The following RTL4 variants were observed in gnomAD, a reference collection of about 807,000 sequenced individuals.
RTL4 encodes retrotransposon Gag like 4, also known as retrotransposon Gag-like protein 4.
Under a neutral mutation model 5.3 loss-of-function variants are expected in RTL4, and 4 were observed. The ratio of observed to expected loss-of-function variants is 0.75; its 90% CI spans 0.37 to 1.72. The LOEUF is 1.72. Ranked by LOEUF, RTL4 falls within the 40% of genes most tolerant of loss-of-function variation. The pLI is 0.04. For missense variants in RTL4, 260 were observed against 227.1 expected (o/e 1.14, Z -0.93); for synonymous variants, 98 against 87.3 (o/e 1.12, Z -0.68).
chrX:112,120,452 A>G, the RTL4 span, among the ~76,000 whole-genome samples: 1 of 109,950 alleles, frequency 9.1e-6, no homozygotes, highest in South Asian at 3.9e-4. Flanking sequence ...AAGTTTTTGT[A>G]TTTTTAGTAG....
chrX:112,180,328 G>A, the RTL4 span, among the ~76,000 whole-genome samples: 3 of 111,412 alleles, frequency 2.7e-5, no homozygotes, highest in African/African-American at 6.5e-5. Context: ...ACTTAGCATG[G>A]TACCTGATAC....
At chrX:112,108,407 G>A in the RTL4 span, among the ~76,000 whole-genome samples, 1 of 111,527 alleles carries the variant, frequency 9.0e-6, no homozygotes, top group Non-Finnish European at 1.9e-5. Flanking sequence ...AATTTTCAGA[G>A]GTAGATACCT....
the RTL4 span, among the ~76,000 whole-genome samples, chrX:112,286,725 C>T: frequency 9.0e-6 from 1 of 111,362 alleles, no homozygotes; most frequent in Non-Finnish European, 1.9e-5. Context: ...AAAATTCAAC[C>T]CTACAGCCAA....
chrX:112,303,849 A>G, the RTL4 span, among the ~76,000 whole-genome samples: 1 of 110,695 alleles, frequency 9.0e-6, no homozygotes. Context: ...ATTATGCAAC[A>G]TATTCTCTAT....
At chrX:112,174,606 A>G in the RTL4 span, among the ~76,000 whole-genome samples, 1 of 87,764 alleles carries the variant, frequency 1.1e-5, no homozygotes, top group Non-Finnish European at 2.2e-5. Context: ...CAGTAATGGG[A>G]TGGCTGGGTC....
chrX:112,222,548 T>G, the RTL4 span, among the ~76,000 whole-genome samples: 1 of 109,074 alleles, frequency 9.2e-6, no homozygotes, highest in Non-Finnish European at 1.9e-5. Flanking sequence ...GGCAACATAG[T>G]GAGACCTCAT....
At chrX:112,183,319 A>T in the RTL4 span, among the ~76,000 whole-genome samples, 1 of 112,207 alleles carries the variant, frequency 8.9e-6, no homozygotes, top group Non-Finnish European at 1.9e-5. Flanking sequence ...AACAATATTA[A>T]CCTTAAATGT....
At chrX:112,296,068 A>G in the RTL4 span, among the ~76,000 whole-genome samples, 1 of 111,839 alleles carries the variant, frequency 8.9e-6, no homozygotes, top group Non-Finnish European at 1.9e-5. Context: ...CTTTTCCTCC[A>G]GAGAAGCTGA....
chrX:112,133,174 TC>T, the RTL4 span, among the ~76,000 whole-genome samples: 1 of 111,940 alleles, frequency 8.9e-6, no homozygotes, highest in Non-Finnish European at 1.9e-5. Context: ...AAAAGACATT[TC>T]CTTTGTACCC....
At chrX:112,299,910 A>T in the RTL4 span, among the ~76,000 whole-genome samples, 2 of 111,411 alleles carry the variant, frequency 1.8e-5, no homozygotes, top group East Asian at 5.7e-4. Context: ...ACACACACAC[A>T]TACACACACA....
At chrX:112,087,024 G>C in the RTL4 span, among the ~76,000 whole-genome samples, 885 of 111,596 alleles carry the variant, frequency 7.9e-3, 5 homozygotes, top group African/African-American at 0.027. Flanking sequence ...ACCATTAATA[G>C]CAATGCAAAT....
At chrX:112,345,012 G>A in the RTL4 span, among the ~76,000 whole-genome samples, 565 of 111,474 alleles carry the variant, frequency 5.1e-3, 3 homozygotes, top group African/African-American at 0.017. Context: ...GGGGGAAACC[G>A]CCCCCATGAT....
At chrX:112,138,088 G>T in the RTL4 span, among the ~76,000 whole-genome samples, 1 of 112,215 alleles carries the variant, frequency 8.9e-6, no homozygotes, top group East Asian at 2.8e-4. Flanking sequence ...CCTGCCTTTT[G>T]CAACAATATG....
the RTL4 span, among the ~76,000 whole-genome samples, chrX:112,191,281 A>G: frequency 2.7e-5 from 3 of 111,962 alleles, no homozygotes; most frequent in Non-Finnish European, 5.6e-5. Flanking sequence ...CTAGTTTCTG[A>G]CATATTCCCA....
the RTL4 span, among the ~76,000 whole-genome samples, chrX:112,364,854 A>C: frequency 1.2e-4 from 13 of 112,211 alleles, no homozygotes; most frequent in Middle Eastern, 9.3e-3. Flanking sequence ...GACACAGTAC[A>C]TTTTCTGAAT....
chrX:112,435,374 T>C, the RTL4 span, among the ~76,000 whole-genome samples: 1 of 112,440 alleles, frequency 8.9e-6, no homozygotes, highest in Non-Finnish European at 1.9e-5. Flanking sequence ...TGCATGTTTT[T>C]GGAGTGCCTG....
chrX:112,317,655 C>T, the RTL4 span, among the ~76,000 whole-genome samples: 2 of 111,577 alleles, frequency 1.8e-5, no homozygotes, highest in African/African-American at 6.5e-5. Flanking sequence ...GGAGGAGCTG[C>T]TATTTATTAC....
chrX:112,159,456 G>A, the RTL4 span, among the ~76,000 whole-genome samples: 3 of 111,580 alleles, frequency 2.7e-5, no homozygotes, highest in South Asian at 3.8e-4. Context: ...CCCAAATATC[G>A]TCATTTTACG....
the RTL4 span, among the ~76,000 whole-genome samples, chrX:112,261,086 C>T: frequency 9.0e-6 from 1 of 111,633 alleles, no homozygotes; most frequent in African/African-American, 3.3e-5. Context: ...ACATTAGGGA[C>T]TGTGTAAAGC....
Sources: allele counts gnomAD v4.1 joint callset (sites outside exome capture counted in the v4.1 genomes callset), GRCh38; gene constraint gnomAD v4.1.1; transcripts MANE v1.5; gene names NCBI Gene and HGNC (gene_info 2026-07-23, HGNC 2026-07-21).